KIF16B: variants seen among roughly 807,000 people sequenced by gnomAD.
KIF16B encodes the protein kinesin-like protein KIF16B.
KIF16B carries 98 observed loss-of-function variants against 156.3 expected under a neutral mutation model. The observed-to-expected ratio is 0.63, with a 90% CI of 0.53 to 0.74. KIF16B has a LOEUF of 0.74. Ranked by LOEUF, KIF16B falls within the 30% of genes least tolerant of loss-of-function variation. KIF16B has a pLI of 0.00. For missense variants in KIF16B, 1,421 were observed against 1,606.5 expected, an observed-to-expected ratio of 0.88 and a Z score of 1.97; for synonymous variants, 564 against 583.7, an observed-to-expected ratio of 0.97 and a Z score of 0.49.
intron 17 of KIF16B, among the ~76,000 whole-genome samples, chr20:16,384,898 A>G (rs947573921): frequency 1.3e-5 from 2 of 152,032 alleles, no homozygotes; most frequent in African/African-American, 4.8e-5. Context: ...CAATTTTTAA[A>G]AAGTAGGTGC....
chr20:16,339,014 C>T lies in KIF16B; in HGVS notation c.3622-2999G>A, dbSNP rs377089159. ...GAAAGGACAGAAGTGGAGTGGCAGA[C>T]GGAAGGGAAAGGCAAGTCGAAATGG... On this transcript the variant is annotated intron_variant, in intron 23 of 25. Coordinates refer to ENST00000354981, the MANE Select transcript of KIF16B (RefSeq NM_024704.5). 2.2e-4 allele frequency among the ~76,000 whole-genome samples: 34 copies of T among 152,062 alleles called. No homozygotes were observed. The South Asian group carries it at 4.8e-3, about 21-fold the overall frequency.
In KIF16B at chr20:16,472,651, A is replaced by G. The variant is rs933072091; in HGVS notation, c.1302+21640T>C. 2.6e-5 allele frequency among the ~76,000 whole-genome samples: 4 copies of G among 151,936 alleles called. No individual in the cohort carries two copies. The East Asian group carries it at 5.8e-4, about 22-fold the overall frequency. Reference sequence around the variant, plus strand: ...GTGGAAACACTTCCTGAATGGTGTCATTATCATTGATATCACAGCATTACC... The same window carrying G: ...GTGGAAACACTTCCTGAATGGTGTCGTTATCATTGATATCACAGCATTACC... On this transcript the variant is annotated intron_variant, in intron 12 of 25. Coordinates refer to ENST00000354981, the MANE Select transcript of KIF16B (RefSeq NM_024704.5).
chr20:16,519,481 A>G (rs1263451593), intron 3 of KIF16B, among the ~76,000 whole-genome samples: 4 of 152,136 alleles, frequency 2.6e-5, no homozygotes, highest in African/African-American at 9.7e-5. Flanking sequence ...CAACTTTAAC[A>G]TTTACATTGT....
At chr20:16,511,119 TAG>T (rs753669219) in intron 6 of KIF16B, among the ~76,000 whole-genome samples, 17 of 152,226 alleles carry the variant, frequency 1.1e-4, no homozygotes, top group Non-Finnish European at 1.9e-4. Context: ...CAATGCCATT[TAG>T]AGAGACAGAT....
At chr20:16,525,645 TC>T (rs1177074699) in intron 3 of KIF16B, among the ~76,000 whole-genome samples, 1 of 152,188 alleles carries the variant, frequency 6.6e-6, no homozygotes, top group Non-Finnish European at 1.5e-5. Context: ...CTTTCTAGAA[TC>T]CACTCTAAAA....
intron 1 of KIF16B, among the ~76,000 whole-genome samples, chr20:16,553,431 G>A (rs76685535): frequency 0.034 from 5,184 of 152,224 alleles, 270 homozygotes; most frequent in African/African-American, 0.12. Context: ...CTTGAGGGTG[G>A]GGATCGTACC....
At chr20:16,401,073 C>A (rs2065644223) in intron 17 of KIF16B, among the ~76,000 whole-genome samples, 1 of 130,326 alleles carries the variant, frequency 7.7e-6, no homozygotes. Context: ...TTGCAGGGGC[C>A]TGGGAACCAG....
At chr20:16,284,717 C>T (rs760412723) in intron 25 of KIF16B, among the ~76,000 whole-genome samples, 7 of 152,144 alleles carry the variant, frequency 4.6e-5, no homozygotes, top group Non-Finnish European at 8.8e-5. Flanking sequence ...TTAGAATTCT[C>T]CCTACTACAG....
rs115557180 is a variant in KIF16B at position 16,541,458 on chromosome 20, G to A, written c.48-13018C>T. ...CCATGGGCTGCCAGTACGGAAGTACGGATGAGCCAAGGACAACGATGCTAT... is the reference window on the plus strand; with the variant it reads ...CCATGGGCTGCCAGTACGGAAGTACAGATGAGCCAAGGACAACGATGCTAT... On this transcript the variant is annotated intron_variant, in intron 1 of 25. Coordinates refer to ENST00000354981, the MANE Select transcript of KIF16B (RefSeq NM_024704.5). Among the ~76,000 whole-genome samples, 627 of 152,302 alleles carry A rather than the reference G, an allele frequency of 4.1e-3. 8 individuals carry two copies. The highest frequency in any genetic ancestry group is 0.014 in the African/African-American group (593 of 41,554).
intron 12 of KIF16B, among the ~76,000 whole-genome samples, chr20:16,462,751 C>T (rs1392265233): frequency 6.6e-6 from 1 of 152,094 alleles, no homozygotes; most frequent in Non-Finnish European, 1.5e-5. Flanking sequence ...AAAAACGAGC[C>T]TAAAAAAATC....
At chr20:16,414,765 T>C (rs2066045008) in intron 15 of KIF16B, among the ~76,000 whole-genome samples, 1 of 152,098 alleles carries the variant, frequency 6.6e-6, no homozygotes, top group Non-Finnish European at 1.5e-5. Context: ...TGGGAGCTGA[T>C]ATTTTTCTTA....
chr20:16,317,655 G>C (rs2063717074), intron 24 of KIF16B, among the ~76,000 whole-genome samples: 1 of 152,174 alleles, frequency 6.6e-6, no homozygotes, highest in South Asian at 2.1e-4. Context: ...TTCTTCAAAA[G>C]CACTGCTACC....
Position 16,528,354 on chromosome 20 carries a change from GCCAGGTCATGA to G in KIF16B, c.117+6_117+16del. On this transcript the variant is annotated splice_donor_region_variant and intron_variant, in intron 2 of 25. Transcript: ENST00000354981. ...ATGGGGCTCTTGGAACTTAAGCAAGGCCAGGTCATGACTTGCCTTTAAGTTTGTGATTGTCG... is the reference window on the plus strand; with the variant it reads ...ATGGGGCTCTTGGAACTTAAGCAAGGCTTGCCTTTAAGTTTGTGATTGTCG... 6.2e-7 allele frequency: 1 copy of G among 1,604,600 alleles called. No homozygotes were observed. The highest frequency in any genetic ancestry group is 1.1e-5 in the South Asian group (1 of 90,878).
At chr20:16,294,758 C>T (rs538341275) in intron 25 of KIF16B, among the ~76,000 whole-genome samples, 4 of 152,230 alleles carry the variant, frequency 2.6e-5, no homozygotes, top group South Asian at 2.1e-4. Flanking sequence ...AACAGCACAG[C>T]GTATGTCAGC....
intron 15 of KIF16B, among the ~76,000 whole-genome samples, chr20:16,426,776 T>C (rs1487845531): frequency 1.3e-5 from 2 of 152,100 alleles, no homozygotes; most frequent in Non-Finnish European, 2.9e-5. Context: ...ATAATAGAAA[T>C]AAAATTATTA....
intron 1 of KIF16B, among the ~76,000 whole-genome samples, chr20:16,548,301 T>C (rs1310260335): frequency 1.3e-5 from 2 of 151,992 alleles, no homozygotes; most frequent in Non-Finnish European, 2.9e-5. Flanking sequence ...CATAGAACGA[T>C]AAAGCTGACA....
At position 16,552,658 on chromosome 20, in the gene KIF16B, T is replaced by C. The variant is rs74793390; in HGVS notation, c.47+20571A>G. On this transcript the variant is annotated intron_variant, in intron 1 of 25. Coordinates refer to ENST00000354981, the MANE Select transcript of KIF16B (RefSeq NM_024704.5). ...TCCTGACACGCAGCCCAGAGGTTTT[T>C]AAAGGTCTTGGGGGGCTCTGCAAGG... 4.2e-3 allele frequency among the ~76,000 whole-genome samples: 636 copies of C among 152,330 alleles called. 8 individuals carry two copies. Among genetic ancestry groups the C allele is most frequent in the African/African-American group, 0.015 (604 of 41,564 alleles).
At chr20:16,301,796 T>G (rs1008088835) in intron 25 of KIF16B, among the ~76,000 whole-genome samples, 3 of 152,036 alleles carry the variant, frequency 2.0e-5, no homozygotes, top group Admixed American at 2.0e-4. Flanking sequence ...ATTACAGGCA[T>G]GCACCACTAC....
Position 16,336,240 on chromosome 20 carries a change from A to AG in KIF16B, c.3622-226_3622-225insC, listed in dbSNP as rs1487733559. The stretch of plus-strand genomic sequence containing the variant: ...AGATCTTGTTACAGGCAGCTTGTCT[A>AG]TGTAAAGTGAAGGGCAGATGGTCAT... On this transcript the variant is annotated intron_variant, in intron 23 of 25. Coordinates refer to ENST00000354981, the MANE Select transcript of KIF16B (RefSeq NM_024704.5). 9.2e-4 allele frequency among the ~76,000 whole-genome samples: 140 copies of AG among 152,332 alleles called. 1 individual carries two copies. Among genetic ancestry groups the AG allele is most frequent in the African/African-American group, 2.9e-3 (121 of 41,566 alleles).
Sources: gnomAD v4.1 joint callset for allele counts (sites outside exome capture counted in the v4.1 genomes callset) on GRCh38, gnomAD v4.1.1 for gene constraint, MANE v1.5 for transcripts, NCBI Gene and HGNC (gene_info 2026-07-23, HGNC 2026-07-21) for gene names.